Variants in IKZF1 observed in about 807,000 individuals in gnomAD.
IKZF1 encodes the protein DNA-binding protein Ikaros.
Under a neutral mutation model 51.7 loss-of-function variants are expected in IKZF1, and 10 were observed. That is an observed-to-expected ratio of 0.19 (90% confidence interval 0.12 to 0.33). The LOEUF is 0.33. Ranked by LOEUF, IKZF1 falls within the 10% of genes least tolerant of loss-of-function variation. The probability of loss-of-function intolerance (pLI) is 1.00; values close to 1 mark genes in which losing one functional copy is unlikely to be tolerated. For missense variants in IKZF1, 484 were observed against 707.5 expected (o/e 0.68, Z 3.58); for synonymous variants, 280 against 282.3 (o/e 0.99, Z 0.08).
chr7:50,378,955 A>C (rs1212404062), intron 4 of IKZF1, among the ~76,000 whole-genome samples: 1 of 152,262 alleles, frequency 6.6e-6, no homozygotes, highest in Non-Finnish European at 1.5e-5. Context: ...ACATGCTAGA[A>C]AAGGTTTTCA....
At chr7:50,367,522 C>G (rs1807296018) in intron 3 of IKZF1, 1 of 152,668 alleles carries the variant, frequency 6.6e-6, no homozygotes, top group Non-Finnish European at 1.5e-5. Flanking sequence ...GGAATTTTTC[C>G]CCCACCCAAT....
At chr7:50,343,758 G>C (rs1478106747) in intron 3 of IKZF1, among the ~76,000 whole-genome samples, 2 of 152,202 alleles carry the variant, frequency 1.3e-5, no homozygotes, top group East Asian at 1.9e-4. Context: ...AAGACCTAAC[G>C]TTGAGAATCC....
chr7:50,379,001 G>T (rs147090695), intron 4 of IKZF1, among the ~76,000 whole-genome samples: 14 of 152,244 alleles, frequency 9.2e-5, no homozygotes, highest in Non-Finnish European at 1.5e-4. Flanking sequence ...GTTAGAAAAG[G>T]CATGCTTTCT....
At chr7:50,387,176 C>T in intron 5 of IKZF1, among the ~76,000 whole-genome samples, 169 bp from the exon 6 acceptor site, 1 of 152,218 alleles carries the variant, frequency 6.6e-6, no homozygotes, top group East Asian at 1.9e-4. Flanking sequence ...AAACCCTTGG[C>T]CACCAACGTT....
intron 3 of IKZF1, among the ~76,000 whole-genome samples, chr7:50,366,143 A>G (rs1806862835): frequency 6.6e-6 from 1 of 152,186 alleles, no homozygotes; most frequent in Non-Finnish European, 1.5e-5. Flanking sequence ...GTATCAGAAA[A>G]AATAACAGGT....
At chr7:50,347,399 G>A (rs533302435) in intron 3 of IKZF1, among the ~76,000 whole-genome samples, 1 of 152,172 alleles carries the variant, frequency 6.6e-6, no homozygotes, top group Non-Finnish European at 1.5e-5. Flanking sequence ...ACAAGCACTC[G>A]CAGAAGGAGA....
At chr7:50,350,077 G>C (rs931674742) in intron 3 of IKZF1, among the ~76,000 whole-genome samples, 1 of 152,166 alleles carries the variant, frequency 6.6e-6, no homozygotes, top group Non-Finnish European at 1.5e-5. Context: ...CAGGGTGTAG[G>C]GAGGTGGGGC....
At chr7:50,360,708 C>T (rs191963067) in intron 3 of IKZF1, among the ~76,000 whole-genome samples, 8 of 152,370 alleles carry the variant, frequency 5.3e-5, no homozygotes, top group Admixed American at 3.3e-4. Context: ...GTGGCCCACG[C>T]TGCAGACACT....
chr7:50,379,386 C>A (rs1166482470), intron 4 of IKZF1, among the ~76,000 whole-genome samples: 1 of 152,242 alleles, frequency 6.6e-6, no homozygotes, highest in Non-Finnish European at 1.5e-5. Context: ...CTCGCCTCTG[C>A]CCATATCCCC....
intron 3 of IKZF1, among the ~76,000 whole-genome samples, chr7:50,330,196 T>A (rs1449104913): frequency 6.6e-6 from 1 of 152,252 alleles, no homozygotes; most frequent in Non-Finnish European, 1.5e-5. Context: ...ATGTTTGACA[T>A]GATTTTCAGT....
intron 1 of IKZF1, among the ~76,000 whole-genome samples, chr7:50,311,472 A>G (rs1790163128): frequency 6.6e-6 from 1 of 152,242 alleles, no homozygotes; most frequent in South Asian, 2.1e-4. Context: ...CAATCAATCA[A>G]TCATGACTTC....
intron 2 of IKZF1, among the ~76,000 whole-genome samples, chr7:50,325,513 G>C (rs1277589315): frequency 6.6e-6 from 1 of 152,174 alleles, no homozygotes; most frequent in Non-Finnish European, 1.5e-5. Flanking sequence ...AGTGGCTCAT[G>C]CCTGTAATCC....
chr7:50,378,994 A>G (rs1370308111), intron 4 of IKZF1, among the ~76,000 whole-genome samples: 1 of 152,252 alleles, frequency 6.6e-6, no homozygotes, highest in Non-Finnish European at 1.5e-5. Context: ...GGAATATGTT[A>G]GAAAAGGCAT....
At chr7:50,335,546 TATGGGATGTGTGGTGTGTGG>T (rs1797532895) in intron 3 of IKZF1, among the ~76,000 whole-genome samples, 2 of 149,336 alleles carry the variant, frequency 1.3e-5, no homozygotes, top group African/African-American at 5.0e-5. Flanking sequence ...TGTATGTGTG[TATGGGATGTGTGGTGTGTGG>T]TGTGTATGTG....
intron 3 of IKZF1, among the ~76,000 whole-genome samples, chr7:50,374,911 C>T (rs1158732916): frequency 6.6e-6 from 1 of 151,910 alleles, no homozygotes. Flanking sequence ...GTGCTGTTAA[C>T]TAAGTTGGTT....
At chr7:50,318,943 GAT>G in intron 1 of IKZF1, 103 bp from the exon 2 acceptor site, 1 of 694,314 alleles carries the variant, frequency 1.4e-6, no homozygotes, top group Non-Finnish European at 2.6e-6. Context: ...ATTCTTGCTA[GAT>G]AACCTTGTTG....
intron 3 of IKZF1, among the ~76,000 whole-genome samples, chr7:50,373,464 G>A (rs999878407): frequency 1.3e-5 from 2 of 152,170 alleles, no homozygotes; most frequent in South Asian, 2.1e-4. Flanking sequence ...AAGTCAAGCC[G>A]CGTAGGGGAA....
chr7:50,391,587 T>C (rs1251903588), intron 6 of IKZF1, 142 bp from the exon 7 acceptor site: 5 of 1,265,328 alleles, frequency 4.0e-6, no homozygotes, highest in Admixed American at 2.6e-5. Context: ...TGTCTGGAAG[T>C]GTTGCTGGGA....
At chr7:50,370,638 A>T (rs1336149791) in intron 3 of IKZF1, among the ~76,000 whole-genome samples, 4 of 152,224 alleles carry the variant, frequency 2.6e-5, no homozygotes, top group African/African-American at 9.7e-5. Flanking sequence ...GTTTGAAAAC[A>T]TCCACTCTTC....
Sources: gnomAD v4.1 joint callset for allele counts (sites outside exome capture counted in the v4.1 genomes callset) on GRCh38, gnomAD v4.1.1 for gene constraint, MANE v1.5 for transcripts, NCBI Gene and HGNC (gene_info 2026-07-23, HGNC 2026-07-21) for gene names.